The following LRIG1 variants were observed in gnomAD, a reference collection of about 807,000 sequenced individuals.
LRIG1 encodes leucine-rich repeats and immunoglobulin-like domains protein 1.
In LRIG1, 48 loss-of-function variants were observed where a neutral mutation model predicts 99.2. The ratio of observed to expected loss-of-function variants is 0.48; its 90% CI spans 0.38 to 0.62. The LOEUF (loss-of-function observed/expected upper bound fraction) is 0.62. Among genes scored for constraint, LRIG1 ranks in the 20% least tolerant of loss-of-function variants. The probability of loss-of-function intolerance (pLI) is 0.00; values close to 1 mark genes in which losing one functional copy is unlikely to be tolerated. For synonymous variants in LRIG1, 772 were observed against 596.1 expected, an observed-to-expected ratio of 1.29 and a Z score of -4.30; for missense variants, 1,646 against 1,434.4, an observed-to-expected ratio of 1.15 and a Z score of -2.38.
intron 9 of LRIG1, among the ~76,000 whole-genome samples, chr3:66,401,956 T>C (rs1388578201): frequency 6.6e-6 from 1 of 152,124 alleles, no homozygotes; most frequent in African/African-American, 2.4e-5. Context: ...TCCTTGGAAG[T>C]AGCCGCGACA....
intron 11 of LRIG1, among the ~76,000 whole-genome samples, chr3:66,396,577 TGGGA>T (rs974345157): frequency 3.9e-5 from 6 of 152,198 alleles, no homozygotes; most frequent in Admixed American, 2.0e-4. Context: ...GCAGCAACGA[TGGGA>T]AACCCAGGCA....
chr3:66,394,058 G>C lies in LRIG1; in HGVS notation c.1450C>G (p.Pro484Ala), dbSNP rs1159874105. The C allele has an allele frequency of 6.2e-7, 1 of 1,614,108 alleles. No individual in the cohort carries two copies. ...LKGQSIFSVPPESFVCDDFLK... is the reference protein window; with the variant it reads ...LKGQSIFSVPAESFVCDDFLK... The stretch of plus-strand genomic sequence containing the variant: ...GTCTTACCGCACACGAAACTCTCTG[G>C]TGGCACAGAGAAAATGCTCTGACCC... Residue 484 changes from proline to alanine, a missense_variant, in exon 12 of 19, where the codon CCA becomes GCA. Coordinates refer to ENST00000273261, the MANE Select transcript of LRIG1 (RefSeq NM_015541.3).
intron 9 of LRIG1, chr3:66,404,545 A>T (rs750551153): frequency 8.4e-5 from 44 of 521,912 alleles, no homozygotes; most frequent in Non-Finnish European, 1.1e-4. Flanking sequence ...TGAGCCTGCC[A>T]CTTGCCAGCC....
At chr3:66,454,605 C>A (rs1575704474) in intron 2 of LRIG1, among the ~76,000 whole-genome samples, 1 of 152,300 alleles carries the variant, frequency 6.6e-6, no homozygotes, top group Non-Finnish European at 1.5e-5. Flanking sequence ...ATTTCTAAAC[C>A]TTTTCTGATG....
intron 12 of LRIG1, among the ~76,000 whole-genome samples, chr3:66,390,137 A>T (rs1575651744): frequency 6.6e-6 from 1 of 152,208 alleles, no homozygotes; most frequent in East Asian, 1.9e-4. Context: ...GGCTAGAGAA[A>T]GAAATGAAAG....
Position 66,380,491 on chromosome 3 carries a change from T to C in LRIG1, c.3056-2A>G. 2 of 1,614,144 alleles carry C rather than the reference T, an allele frequency of 1.2e-6. No individual in the cohort carries two copies. Among genetic ancestry groups the C allele is most frequent in the East Asian group, 4.5e-5 (2 of 44,890 alleles). On this transcript the variant is annotated splice_acceptor_variant, in intron 18 of 18. Coordinates refer to ENST00000273261, the MANE Select transcript of LRIG1 (RefSeq NM_015541.3). LOFTEE classifies it high-confidence loss of function. ...TTGCTAAAGTCCAGGAAGAATCCCC[T>C]ACAAGGAAAGAACGAACCTGTCAGA...
chr3:66,405,851 T>C lies in LRIG1; in HGVS notation c.1080-573A>G, dbSNP rs927297728. 7.2e-6 allele frequency: 8 copies of C among 1,113,770 alleles called. No individual in the cohort carries two copies. The South Asian group carries it at 1.5e-4, about 20-fold the overall frequency. 69.0% of individuals were successfully genotyped at this position (1,113,770 alleles called of 1,614,324 possible). On this transcript the variant is annotated intron_variant, in intron 8 of 18. Transcript: ENST00000273261. The stretch of plus-strand genomic sequence containing the variant: ...ACATCTGGGTGCTGAGTCAGACTTG[T>C]GACCCACTCGCCAGGATCAGAGGGA...
intron 1 of LRIG1, among the ~76,000 whole-genome samples, chr3:66,469,403 T>C (rs1303750596): frequency 1.3e-5 from 2 of 152,184 alleles, no homozygotes; most frequent in East Asian, 1.9e-4. Context: ...AAATAGGAGA[T>C]ACTATATACA....
rs1308139335 is a variant in LRIG1 at position 66,403,236 on chromosome 3, T to C, written c.1160+1962A>G. Among the ~76,000 whole-genome samples, 3 of 152,292 alleles carry C rather than the reference T, an allele frequency of 2.0e-5. No individual in the cohort carries two copies. The East Asian group carries it at 5.8e-4, about 29-fold the overall frequency. ...AAATCATAGGCATCATACCATTTTC[T>C]TTATCCAAGAAGAAAATGATTCATT... On this transcript the variant is annotated intron_variant, in intron 9 of 18. Coordinates refer to ENST00000273261, the MANE Select transcript of LRIG1 (RefSeq NM_015541.3).
Position 66,382,970 on chromosome 3 carries a change from G to T in LRIG1, c.2491+12C>A. The T allele has an allele frequency of 6.3e-7, 1 of 1,585,140 alleles. No individual in the cohort carries two copies. The highest frequency in any genetic ancestry group is 8.6e-7 in the Non-Finnish European group (1 of 1,160,104). On this transcript the variant is annotated intron_variant, in intron 15 of 18. Transcript: ENST00000273261. ...CCCTCCTTGAAAGTCAGCTCCGCTG[G>T]CAGGGCCTGACCTGTGTTGGTGACA...
chr3:66,393,497 G>C (rs924212177), intron 12 of LRIG1, among the ~76,000 whole-genome samples: 2 of 152,246 alleles, frequency 1.3e-5, no homozygotes, highest in Non-Finnish European at 2.9e-5. Context: ...CAGTCAAAAA[G>C]ATGGCAAGAG....
chr3:66,480,194 T>C (rs1465970996), intron 1 of LRIG1, among the ~76,000 whole-genome samples: 1 of 152,048 alleles, frequency 6.6e-6, no homozygotes, highest in Non-Finnish European at 1.5e-5. Flanking sequence ...CTGTGCTAAG[T>C]AACTAAGTAA....
chr3:66,448,978 A>G (rs1703813548), intron 3 of LRIG1, among the ~76,000 whole-genome samples: 1 of 152,206 alleles, frequency 6.6e-6, no homozygotes, highest in African/African-American at 2.4e-5. Context: ...TAGTTCCGAA[A>G]AGTAAGAGAC....
intron 3 of LRIG1, among the ~76,000 whole-genome samples, chr3:66,437,337 A>T (rs10049334): frequency 1.8e-4 from 27 of 152,322 alleles, no homozygotes; most frequent in African/African-American, 6.3e-4. Flanking sequence ...CTGCTAGAAC[A>T]TGGCAGAACC....
intron 1 of LRIG1, among the ~76,000 whole-genome samples, chr3:66,473,359 C>T (rs985252969): frequency 6.6e-6 from 1 of 152,178 alleles, no homozygotes; most frequent in African/African-American, 2.4e-5. Flanking sequence ...TACGGGAGTC[C>T]TCTATCAGCC....
At chr3:66,404,832 A>G (rs1702202238) in intron 9 of LRIG1, among the ~76,000 whole-genome samples, 1 of 151,088 alleles carries the variant, frequency 6.6e-6, no homozygotes, top group African/African-American at 2.4e-5. Context: ...CTCACACCTT[A>G]CTGACCTTTA....
Position 66,383,128 on chromosome 3 carries a change from G to A in LRIG1, c.2345C>T (p.Pro782Leu), listed in dbSNP as rs756661924. The change falls in exon 15 of 19, where the codon CCC becomes CTC. Residue 782 changes from proline to leucine, a missense_variant. Pro to Leu is a moderately conservative substitution (Grantham distance 98, BLOSUM62 -3). Coordinates refer to ENST00000273261, the MANE Select transcript of LRIG1 (RefSeq NM_015541.3). The part of the protein sequence containing the change: ...ERAHSQLSVL[P>L]AAGCRKDGTT... ...CCCATCCTTCCTGCAGCCTGCTGCG[G>A]GCAGGACGCTCAGCTGGCTGTGAGC... 1.9e-6 allele frequency: 3 copies of A among 1,614,226 alleles called. No individual in the cohort carries two copies. Among genetic ancestry groups the A allele is most frequent in the Non-Finnish European group, 2.5e-6 (3 of 1,180,044 alleles).
intron 3 of LRIG1, among the ~76,000 whole-genome samples, chr3:66,421,682 T>G (rs970341139): frequency 6.6e-6 from 1 of 152,202 alleles, no homozygotes; most frequent in Non-Finnish European, 1.5e-5. Context: ...TAGAGGACAG[T>G]GGCCCTCTTC....
At chr3:66,457,177 T>C (rs1263633120) in intron 2 of LRIG1, among the ~76,000 whole-genome samples, 1 of 152,082 alleles carries the variant, frequency 6.6e-6, no homozygotes, top group Non-Finnish European at 1.5e-5. Flanking sequence ...TCTATAAAGT[T>C]TGGGAGAGCT....
Sources: gnomAD v4.1 joint callset for allele counts (sites outside exome capture counted in the v4.1 genomes callset) on GRCh38, gnomAD v4.1.1 for gene constraint, MANE v1.5 for transcripts, NCBI Gene and HGNC (gene_info 2026-07-23, HGNC 2026-07-21) for gene names.